Variants in TASOR2 observed in about 807,000 individuals in gnomAD.
TASOR2 encodes transcription activation suppressor family member 2, also known as protein TASOR 2.
Under a neutral mutation model 199.5 loss-of-function variants are expected in TASOR2, and 84 were observed. The ratio of observed to expected loss-of-function variants is 0.42; its 90% CI spans 0.35 to 0.50. TASOR2 has a LOEUF of 0.50. TASOR2 is among the 20% of genes least tolerant of loss of function. TASOR2 has a pLI of 0.02. For synonymous variants in TASOR2, 1,103 were observed against 1,046.6 expected (o/e 1.05, Z -1.04); for missense variants, 2,796 against 2,835.9 (o/e 0.99, Z 0.32).
chr10:5,735,747 C>T (rs570907214), intron 12 of TASOR2, among the ~76,000 whole-genome samples: 1 of 152,108 alleles, frequency 6.6e-6, no homozygotes, highest in Non-Finnish European at 1.5e-5. Context: ...CTCAAACCTT[C>T]AAAAACATAG....
rs777543371 is a variant in TASOR2, at chr10:5,735,264, G to GC, written c.1205-36dup. On this transcript the variant is annotated intron_variant, in intron 11 of 20. Transcript: ENST00000328090. ...TGGAAAAGCTATGCTAAGTATCTGG[G>GC]CCCCTACCCCTTACAAAAATGATGT... 12 of 1,578,646 alleles carry GC rather than the reference G, an allele frequency of 7.6e-6. No homozygotes were observed. The African/African-American group carries it at 1.4e-4, about 18-fold the overall frequency.
chr10:5,747,220 G>C, exon 15 of TASOR2: 22 of 1,614,154 alleles, frequency 1.4e-5, no homozygotes, highest in Non-Finnish European at 1.9e-5. Flanking sequence ...AAGCCTGTCT[G>C]TGAGTAGAGA....
At chr10:5,749,196 C>T (rs751348062) in exon 15 of TASOR2, 28 of 1,614,054 alleles carry the variant, frequency 1.7e-5, no homozygotes, top group East Asian at 2.2e-5. Context: ...TCAGGACTTA[C>T]GCCAACTTCT....
At chr10:5,686,693 A>G (rs1375685467) in intron 1 of TASOR2, among the ~76,000 whole-genome samples, 2 of 152,236 alleles carry the variant, frequency 1.3e-5, no homozygotes, top group African/African-American at 4.8e-5. Flanking sequence ...TATTTTTAAA[A>G]TATCTTAGCC....
exon 16 of TASOR2, chr10:5,756,654 G>A (rs760689759): frequency 2.0e-5 from 33 of 1,613,186 alleles, no homozygotes; most frequent in Non-Finnish European, 2.7e-5. Flanking sequence ...TTGAACCTCA[G>A]CACTTCTGTC....
chr10:5,733,599 A>G (rs1043298417), intron 11 of TASOR2, among the ~76,000 whole-genome samples: 4 of 152,256 alleles, frequency 2.6e-5, no homozygotes, highest in African/African-American at 9.6e-5. Flanking sequence ...ATTGAATGTT[A>G]CATGTAAACA....
intron 2 of TASOR2, among the ~76,000 whole-genome samples, chr10:5,715,235 A>T (rs76479158): frequency 0.59 from 75,959 of 129,516 alleles, 19,754 homozygotes; most frequent in Middle Eastern, 0.65. Context: ...TTTTTTTTTA[A>T]AAAAAAACTG....
In TASOR2 at chr10:5,719,036, A is replaced by C. The variant is rs995563733; in HGVS notation, c.-100+1286A>C. 1.3e-5 allele frequency among the ~76,000 whole-genome samples: 2 copies of C among 152,160 alleles called. No individual in the cohort carries two copies. The highest frequency in any genetic ancestry group is 2.1e-4 in the South Asian group (1 of 4,832). ...ACCCAGAACCATAAAATGTTTGATG[A>C]GGAGATGGTAGAGATGATTGGTTAC... On this transcript the variant is annotated intron_variant, in intron 3 of 20. Coordinates refer to ENST00000328090, the Ensembl canonical transcript of TASOR2. The surrounding 1 kb of genome is among the most constrained non-coding windows in gnomAD (Gnocchi z 4.1).
chr10:5,732,336 C>T (rs934359846), intron 11 of TASOR2, among the ~76,000 whole-genome samples: 3 of 152,258 alleles, frequency 2.0e-5, no homozygotes, highest in Admixed American at 6.5e-5. Context: ...TCTCTGGCTG[C>T]TCTCATGCCG....
At chr10:5,749,549 T>C in exon 15 of TASOR2, 1 of 1,614,064 alleles carries the variant, frequency 6.2e-7, no homozygotes, top group Non-Finnish European at 8.5e-7. Flanking sequence ...CTGGTAACAG[T>C]TGTGGAGTCA....
At chr10:5,707,444 A>G (rs537196272) in intron 1 of TASOR2, among the ~76,000 whole-genome samples, 1 of 152,228 alleles carries the variant, frequency 6.6e-6, no homozygotes, top group East Asian at 1.9e-4. Context: ...CTTGGTTGCA[A>G]GGAGATCCAG....
chr10:5,757,904 C>G (rs1329779557), intron 17 of TASOR2, among the ~76,000 whole-genome samples: 1 of 152,014 alleles, frequency 6.6e-6, no homozygotes, highest in African/African-American at 2.4e-5. Flanking sequence ...CTTCTGAGTT[C>G]CCTCCCTCTC....
chr10:5,724,561 T>A, intron 8 of TASOR2, 28 bp downstream of exon 9: 5 of 983,058 alleles, frequency 5.1e-6, no homozygotes, highest in Non-Finnish European at 6.9e-6. Flanking sequence ...AAAATATAAT[T>A]ATTATGTTTT....
intron 1 of TASOR2, chr10:5,712,563 G>C (rs1173321288): frequency 8.1e-7 from 1 of 1,231,190 alleles, no homozygotes; most frequent in Non-Finnish European, 1.0e-6. Context: ...TACACACTAT[G>C]ATGGTTTTGT....
exon 15 of TASOR2, chr10:5,747,307 G>A (rs917783916): frequency 6.2e-7 from 1 of 1,614,144 alleles, no homozygotes; most frequent in South Asian, 1.1e-5. Context: ...AAGTCCCAGA[G>A]AAGAAATGCC....
intron 18 of TASOR2, among the ~76,000 whole-genome samples, chr10:5,759,505 C>T (rs1314685491): frequency 6.6e-6 from 1 of 152,210 alleles, no homozygotes; most frequent in Admixed American, 6.5e-5. Flanking sequence ...GATTCCTCCA[C>T]ATTCTCACAA....
At position 5,748,700 on chromosome 10, in the gene TASOR2, C is replaced by A; in HGVS notation, c.5279C>A (p.Thr1760Lys). 1 of 1,614,210 alleles carries A rather than the reference C, an allele frequency of 6.2e-7. No homozygotes were observed. The highest frequency in any genetic ancestry group is 8.5e-7 in the Non-Finnish European group (1 of 1,180,044). ...CTTTGTGCTGGTCCCTACCAAAATA[C>A]AGCAGACACCAAGGAAAACCTCAGT... Residue 1760 changes from threonine (T) to lysine (K), a missense_variant, in exon 15 of 21, where the codon ACA becomes AAA. Around this residue, in one of 3 missense-constraint regions of TASOR2, gnomAD observed 1,941 missense variants for 1,924.9 expected, o/e 1.01. Coordinates refer to ENST00000328090, the Ensembl canonical transcript of TASOR2. This position sits in a 1 kb window ranked among gnomAD's most constrained non-coding sequence, Gnocchi z 5.1.
intron 14 of TASOR2, chr10:5,744,195 C>T (rs188018185): frequency 1.3e-5 from 2 of 152,310 alleles, no homozygotes; most frequent in Non-Finnish European, 2.9e-5. Flanking sequence ...ATTGGGAGGG[C>T]CATTAAAGTT....
At chr10:5,704,393 C>A (rs1379712190) in intron 1 of TASOR2, among the ~76,000 whole-genome samples, 1 of 151,694 alleles carries the variant, frequency 6.6e-6, no homozygotes, top group African/African-American at 2.4e-5. Context: ...TGGAAAATTC[C>A]CCTGTTTTCT....
Sources: gnomAD v4.1 joint callset for allele counts (sites outside exome capture counted in the v4.1 genomes callset) on GRCh38, gnomAD v4.1.1 for gene constraint, gnomAD v4.1.1 regional missense constraint, Gnocchi (gnomAD v3.1) non-coding constraint, MANE v1.5 for transcripts, NCBI Gene and HGNC (gene_info 2026-07-23, HGNC 2026-07-21) for gene names.